The following CLPB variants were observed in gnomAD, a reference collection of about 807,000 sequenced individuals.
CLPB encodes mitochondrial disaggregase.
A neutral mutation model predicts 78.4 loss-of-function variants in CLPB; 40 were observed. The observed-to-expected ratio is 0.51, with a 90% CI of 0.40 to 0.66. The LOEUF (loss-of-function observed/expected upper bound fraction) is 0.66. Among genes scored for constraint, CLPB ranks in the 30% least tolerant of loss-of-function variants. The pLI, the probability that CLPB is intolerant of heterozygous loss-of-function variation, is 0.00. For missense variants in CLPB, 780 were observed against 886.9 expected, an observed-to-expected ratio of 0.88 and a Z score of 1.53; for synonymous variants, 333 against 348.0, an observed-to-expected ratio of 0.96 and a Z score of 0.48.
intron 4 of CLPB, among the ~76,000 whole-genome samples, chr11:72,360,042 C>A (rs1285695834): frequency 1.3e-5 from 2 of 152,172 alleles, no homozygotes; most frequent in African/African-American, 4.8e-5. Flanking sequence ...AATGTTACCC[C>A]ACCTCTGGGG....
At chr11:72,348,956 T>C (rs775700000) in intron 5 of CLPB, among the ~76,000 whole-genome samples, 1 of 152,192 alleles carries the variant, frequency 6.6e-6, no homozygotes, top group African/African-American at 2.4e-5. Context: ...CAAATAACTA[T>C]AGAACTACAT....
At chr11:72,404,238 T>C (rs534462720) in intron 2 of CLPB, among the ~76,000 whole-genome samples, 3 of 152,282 alleles carry the variant, frequency 2.0e-5, no homozygotes, top group East Asian at 1.9e-4. Context: ...GGAGAAGACA[T>C]GGCTCAAGAC....
At chr11:72,403,599 T>A (rs1855625897) in intron 2 of CLPB, among the ~76,000 whole-genome samples, 1 of 152,182 alleles carries the variant, frequency 6.6e-6, no homozygotes, top group Non-Finnish European at 1.5e-5. Flanking sequence ...TAGGTAGTTC[T>A]CAGTTCACAA....
At chr11:72,299,868 CAGTGG>C (rs1161330220) in intron 11 of CLPB, among the ~76,000 whole-genome samples, 2 of 152,158 alleles carry the variant, frequency 1.3e-5, no homozygotes, top group Admixed American at 1.3e-4. Flanking sequence ...AAAAGGCAGT[CAGTGG>C]AGTGAAGTGA....
At chr11:72,369,788 A>C (rs1172145826) in intron 4 of CLPB, among the ~76,000 whole-genome samples, 1 of 152,138 alleles carries the variant, frequency 6.6e-6, no homozygotes, top group East Asian at 1.9e-4. Context: ...TATGTGGGTA[A>C]GTGTGTCTAC....
chr11:72,425,352 G>A (rs965089281), intron 2 of CLPB, among the ~76,000 whole-genome samples: 8 of 152,180 alleles, frequency 5.3e-5, no homozygotes, highest in African/African-American at 9.7e-5. Context: ...ATATGCACTC[G>A]TAAGTATTGG....
At position 72,349,384 on chromosome 11, in the gene CLPB, G is replaced by A. The variant is rs546065904; in HGVS notation, c.775+9496C>T. Among the ~76,000 whole-genome samples the A allele has an allele frequency of 9.8e-5, 15 of 152,354 alleles. No homozygotes were observed. In the South Asian group the frequency reaches 2.9e-3, roughly 29 times the overall value. ...TTTAAAAAATACTCATTTCCAAAATGCAGTTCAGGAAGGAGTCTGTGGTCC... is the reference window on the plus strand; with the variant it reads ...TTTAAAAAATACTCATTTCCAAAATACAGTTCAGGAAGGAGTCTGTGGTCC... On this transcript the variant is annotated intron_variant, in intron 5 of 15. Coordinates refer to ENST00000538039, the MANE Select transcript of CLPB (RefSeq NM_001258392.3).
At chr11:72,396,178 T>A (rs1855400924) in intron 3 of CLPB, among the ~76,000 whole-genome samples, 1 of 152,030 alleles carries the variant, frequency 6.6e-6, no homozygotes, top group Non-Finnish European at 1.5e-5. Context: ...GGCAAATGCG[T>A]GTTATCCACT....
At chr11:72,335,038 A>C (rs905086045) in intron 5 of CLPB, among the ~76,000 whole-genome samples, 1 of 152,020 alleles carries the variant, frequency 6.6e-6, no homozygotes, top group Non-Finnish European at 1.5e-5. Context: ...CAATTTTTCA[A>C]ATTTTATTAA....
At chr11:72,390,268 T>C (rs1224710534) in intron 3 of CLPB, among the ~76,000 whole-genome samples, 1 of 151,396 alleles carries the variant, frequency 6.6e-6, no homozygotes, top group African/African-American at 2.4e-5. Flanking sequence ...TAAAACCCCA[T>C]CTCTACTAAA....
intron 4 of CLPB, among the ~76,000 whole-genome samples, chr11:72,366,364 A>G (rs1950942534): frequency 6.6e-6 from 1 of 151,990 alleles, no homozygotes; most frequent in South Asian, 2.1e-4. Context: ...ACAGGTGTGC[A>G]CCACCACACC....
intron 6 of CLPB, among the ~76,000 whole-genome samples, chr11:72,320,719 A>G (rs1052400082): frequency 3.3e-5 from 5 of 152,132 alleles, no homozygotes; most frequent in East Asian, 1.9e-4. Flanking sequence ...TATTTTATAT[A>G]TATATATTTT....
intron 5 of CLPB, among the ~76,000 whole-genome samples, chr11:72,331,756 T>C (rs1269583683): frequency 6.6e-6 from 1 of 151,504 alleles, no homozygotes; most frequent in Non-Finnish European, 1.5e-5. Context: ...GTATTTTTAG[T>C]AGAGATGGGG....
chr11:72,286,235 T>G lies in CLPB; in HGVS notation c.*7132A>C, dbSNP rs1284883200. ...AGATACTGCACCTGTTTTTTTTTTT[T>G]TTTTTTTTTTTAAGAGATAGGGTGT... On this transcript the variant is annotated 3_prime_UTR_variant, in exon 16 of 16. Coordinates refer to ENST00000538039, the MANE Select transcript of CLPB (RefSeq NM_001258392.3). 2.2e-5 allele frequency: 3 copies of G among 136,124 alleles called. 1 individual carries two copies. Among genetic ancestry groups the G allele is most frequent in the Non-Finnish European group, 3.2e-5 (2 of 63,050 alleles). The allele number at this position is 136,124 out of a possible 1,614,324, so 8.4% of individuals were successfully genotyped here. A position where few individuals can be genotyped will look rare whatever the true frequency, so the allele number is the denominator to read the frequency against.
At chr11:72,428,802 A>G (rs566796121) in intron 2 of CLPB, 42 of 152,364 alleles carry the variant, frequency 2.8e-4, no homozygotes, top group African/African-American at 1.0e-3. Context: ...TCACACATAC[A>G]CCGTTAAGTT....
chr11:72,343,706 A>G (rs1229436384), intron 5 of CLPB, among the ~76,000 whole-genome samples: 1 of 152,162 alleles, frequency 6.6e-6, no homozygotes, highest in Non-Finnish European at 1.5e-5. Flanking sequence ...CATTTTTTTC[A>G]AGATGCTTTT....
intron 6 of CLPB, among the ~76,000 whole-genome samples, chr11:72,322,111 A>T (rs189891553): frequency 6.6e-5 from 10 of 152,252 alleles, no homozygotes; most frequent in African/African-American, 1.9e-4. Flanking sequence ...AAGGAATTTG[A>T]AAGTCTCTTA....
intron 5 of CLPB, among the ~76,000 whole-genome samples, chr11:72,350,141 G>T (rs1323823189): frequency 6.6e-6 from 1 of 152,264 alleles, no homozygotes; most frequent in African/African-American, 2.4e-5. Flanking sequence ...AGCAAGGACA[G>T]TTCCTCATTC....
intron 4 of CLPB, among the ~76,000 whole-genome samples, chr11:72,376,113 C>T (rs189698396): frequency 2.0e-5 from 3 of 152,268 alleles, no homozygotes; most frequent in Admixed American, 1.3e-4. Context: ...TAGACACACT[C>T]GAAGGAAAGG....
Sources: gnomAD v4.1 joint callset for allele counts (sites outside exome capture counted in the v4.1 genomes callset) on GRCh38, gnomAD v4.1.1 for gene constraint, MANE v1.5 for transcripts, NCBI Gene and HGNC (gene_info 2026-07-23, HGNC 2026-07-21) for gene names.